Variants in GRIK4 observed in about 807,000 individuals in gnomAD.
GRIK4 encodes glutamate ionotropic receptor kainate type subunit 4, also known as glutamate receptor ionotropic, kainate 4.
A neutral mutation model predicts 104.9 loss-of-function variants in GRIK4; 40 were observed. The ratio of observed to expected loss-of-function variants is 0.38; its 90% CI spans 0.30 to 0.50. The LOEUF (loss-of-function observed/expected upper bound fraction) is 0.50, where lower values mean the gene tolerates loss of function less well. Among genes scored for constraint, GRIK4 ranks in the 20% least tolerant of loss-of-function variants. The pLI, the probability that GRIK4 is intolerant of heterozygous loss-of-function variation, is 0.93. For missense variants in GRIK4, 1,047 were observed against 1,308.1 expected, an observed-to-expected ratio of 0.80 and a Z score of 3.08; for synonymous variants, 485 against 524.9, an observed-to-expected ratio of 0.92 and a Z score of 1.04.
At chr11:120,643,446 C>T (rs751325973) in intron 1 of GRIK4, among the ~76,000 whole-genome samples, 8 of 152,206 alleles carry the variant, frequency 5.3e-5, no homozygotes, top group Non-Finnish European at 5.9e-5. Flanking sequence ...GGACTCTGCA[C>T]ATCAGGGTAT....
At position 120,652,092 on chromosome 11, in the gene GRIK4, G is replaced by A. The variant is rs192591893; in HGVS notation, c.-158-1593G>A. On this transcript the variant is annotated intron_variant, in intron 1 of 20. Coordinates refer to ENST00000527524, the MANE Select transcript of GRIK4 (RefSeq NM_014619.5). ...CCGCCTTTGAGTTCCAGGTCTGCAC[G>A]TGGGGAGGATGGCAGTTAGGATGGC... Among the ~76,000 whole-genome samples the A allele has an allele frequency of 1.4e-4, 21 of 152,292 alleles. No homozygotes were observed. In the East Asian group the frequency reaches 3.1e-3, roughly 22 times the overall value.
rs954256857 is a variant in GRIK4 at position 120,836,839 on chromosome 11, A to G, written c.739A>G (p.Asn247Asp). Reference protein sequence around the residue: ...VSAYYTYIFTNLEFSLQRMDS... With the variant: ...VSAYYTYIFTDLEFSLQRMDS... ...AGCCTATTACACATACATCTTCACTAATCTGGTAAGATGTTCTCACAGCTC... is the reference window on the plus strand; with the variant it reads ...AGCCTATTACACATACATCTTCACTGATCTGGTAAGATGTTCTCACAGCTC... Residue 247 changes from asparagine to aspartate, a missense_variant, in exon 8 of 21, where the codon AAT (asparagine) becomes GAT (aspartate). By Grantham distance (23) the Asn-to-Asp change is conservative. This residue lies in a region of GRIK4 where 447 missense variants were observed against 514.9 expected (regional missense o/e 0.87). Transcript: ENST00000527524. 4 of 1,577,396 alleles carry G rather than the reference A, an allele frequency of 2.5e-6. No individual in the cohort carries two copies. Among genetic ancestry groups the G allele is most frequent in the Admixed American group, 3.3e-5 (2 of 59,990 alleles).
intron 3 of GRIK4, among the ~76,000 whole-genome samples, chr11:120,699,340 A>T (rs1377425843): frequency 6.6e-6 from 1 of 152,228 alleles, no homozygotes; most frequent in Admixed American, 6.5e-5. Flanking sequence ...GGTCACAGCC[A>T]TGACTGTAAC....
At chr11:120,752,017 C>T (rs1028248287) in intron 3 of GRIK4, among the ~76,000 whole-genome samples, 10 of 152,136 alleles carry the variant, frequency 6.6e-5, no homozygotes, top group African/African-American at 2.4e-4. Context: ...TAGTAAGATG[C>T]CGGGTGTTCC....
chr11:120,871,259 C>T (rs978978805), intron 9 of GRIK4: 1 of 188,094 alleles, frequency 5.3e-6, no homozygotes, highest in African/African-American at 2.3e-5. Context: ...AAGGGAGAAT[C>T]TGCAGCATTA....
rs113483723 is a variant in GRIK4 at position 120,538,132 on chromosome 11, G to T, written c.-159+26245G>T. On this transcript the variant is annotated intron_variant, in intron 1 of 20. Transcript: ENST00000527524. ...AGGAATACGAAGATGCTTGCTTTCC[G>T]GCCTGACCTGCTCACGGCCTCTGGA... Among the ~76,000 whole-genome samples the T allele has an allele frequency of 1.4e-3, 212 of 152,298 alleles. 3 individuals carry two copies. Among genetic ancestry groups the T allele is most frequent in the African/African-American group, 4.9e-3 (203 of 41,556 alleles).
chr11:120,855,523 A>G (rs910444161), intron 8 of GRIK4, among the ~76,000 whole-genome samples: 1 of 151,606 alleles, frequency 6.6e-6, no homozygotes, highest in East Asian at 1.9e-4. Flanking sequence ...CTTCTCTCTC[A>G]ACACAAATAG....
Position 120,874,196 on chromosome 11 carries a change from G to A in GRIK4, c.1037G>A (p.Ser346Asn). 1.2e-6 allele frequency: 2 copies of A among 1,612,742 alleles called. No homozygotes were observed. Among genetic ancestry groups the A allele is most frequent in the African/African-American group, 1.3e-5 (1 of 75,054 alleles). Residue 346 changes from serine (S) to asparagine (N), a missense_variant, in exon 10 of 21, where the codon AGC becomes AAC. Physicochemically the swap from Ser to Asn is conservative, Grantham distance 46. This residue lies in a region of GRIK4 where 447 missense variants were observed against 514.9 expected (regional missense o/e 0.87). Transcript: ENST00000527524. Reference sequence around the variant, plus strand: ...GCCCAGATCTGGCAGCACGGCACCAGCCTCATGAACTACCTGCGCATGGTG... The same window carrying A: ...GCCCAGATCTGGCAGCACGGCACCAACCTCATGAACTACCTGCGCATGGTG... Reference protein sequence around the residue: ...GSAQIWQHGTSLMNYLRMVEL... With the variant: ...GSAQIWQHGTNLMNYLRMVEL...
intron 3 of GRIK4, among the ~76,000 whole-genome samples, chr11:120,664,025 G>A (rs1209684548): frequency 2.0e-5 from 3 of 152,202 alleles, no homozygotes; most frequent in Non-Finnish European, 4.4e-5. Context: ...ATGGGAGAGT[G>A]ATCCCCAACA....
intron 4 of GRIK4, among the ~76,000 whole-genome samples, chr11:120,811,157 G>A (rs1474341486): frequency 6.6e-6 from 1 of 152,148 alleles, no homozygotes; most frequent in African/African-American, 2.4e-5. Flanking sequence ...GGGAGAAGGG[G>A]CTGCAAAGAC....
chr11:120,904,446 G>T (rs1366408385), intron 12 of GRIK4, among the ~76,000 whole-genome samples: 1 of 152,212 alleles, frequency 6.6e-6, no homozygotes, highest in African/African-American at 2.4e-5. Context: ...TGCAGCCCAG[G>T]ATTCAGGGTC....
At chr11:120,704,023 A>C (rs1052694700) in intron 3 of GRIK4, among the ~76,000 whole-genome samples, 5 of 152,218 alleles carry the variant, frequency 3.3e-5, no homozygotes, top group African/African-American at 1.2e-4. Context: ...TCCGTTCACT[A>C]GCTTTGTTGC....
chr11:120,547,451 C>T (rs113554196), intron 1 of GRIK4, among the ~76,000 whole-genome samples: 2,434 of 152,230 alleles, frequency 0.016, 68 homozygotes, highest in African/African-American at 0.056. Flanking sequence ...CTCTGGTCGG[C>T]GGTGACCACA....
At chr11:120,525,022 C>T (rs1947841514) in intron 1 of GRIK4, among the ~76,000 whole-genome samples, 1 of 152,196 alleles carries the variant, frequency 6.6e-6, no homozygotes, top group East Asian at 1.9e-4. Context: ...GTCAAGGCTG[C>T]TGGACAGGCT....
At chr11:120,764,632 C>G (rs898598046) in intron 3 of GRIK4, among the ~76,000 whole-genome samples, 1 of 151,420 alleles carries the variant, frequency 6.6e-6, no homozygotes, top group Non-Finnish European at 1.5e-5. Context: ...CCTTCAGGAG[C>G]TCTTGTAAGG....
At position 120,956,303 on chromosome 11, in the gene GRIK4, G is replaced by A. The variant is rs1475212618; in HGVS notation, c.1701-477G>A. Among the ~76,000 whole-genome samples the A allele has an allele frequency of 6.6e-6, 1 of 151,712 alleles. No homozygotes were observed. Among genetic ancestry groups the A allele is most frequent in the African/African-American group, 2.4e-5 (1 of 41,254 alleles). ...TGCAGCCTTTACCTCCCGGACTCAA[G>A]TGATTCTCCCACCTCATCCTCTTGA... On this transcript the variant is annotated intron_variant, in intron 15 of 20. Coordinates refer to ENST00000527524, the MANE Select transcript of GRIK4 (RefSeq NM_014619.5). The surrounding 1 kb of genome is among the most constrained non-coding windows in gnomAD (Gnocchi z 4.6).
At chr11:120,608,533 A>G (rs1474789707) in intron 1 of GRIK4, among the ~76,000 whole-genome samples, 2 of 152,100 alleles carry the variant, frequency 1.3e-5, no homozygotes, top group African/African-American at 2.4e-5. Flanking sequence ...ACCCATACTG[A>G]GAGGTGACCT....
chr11:120,681,052 T>C (rs941939549), intron 3 of GRIK4, among the ~76,000 whole-genome samples: 3 of 152,062 alleles, frequency 2.0e-5, no homozygotes, highest in African/African-American at 4.8e-5. Context: ...ACAAACAGAG[T>C]GGGCTGGCCT....
At chr11:120,620,503 C>T (rs867207112) in intron 1 of GRIK4, among the ~76,000 whole-genome samples, 4 of 152,000 alleles carry the variant, frequency 2.6e-5, no homozygotes, top group South Asian at 2.1e-4. Context: ...TATAGCAATA[C>T]GAGCACAGAC....
Sources: allele counts gnomAD v4.1 joint callset (sites outside exome capture counted in the v4.1 genomes callset), GRCh38; gene constraint gnomAD v4.1.1; regional missense constraint gnomAD v4.1.1; non-coding constraint Gnocchi (gnomAD v3.1); transcripts MANE v1.5; gene names NCBI Gene and HGNC (gene_info 2026-07-23, HGNC 2026-07-21).